Variants in NRXN3 observed in about 807,000 individuals in gnomAD.
The protein encoded by NRXN3 is neurexin 3.
In NRXN3, 32 loss-of-function variants were observed where a neutral mutation model predicts 137.6. The ratio of observed to expected loss-of-function variants is 0.23; its 90% CI spans 0.18 to 0.31. NRXN3 has a LOEUF of 0.31. Ranked by LOEUF, NRXN3 falls within the 10% of genes least tolerant of loss-of-function variation. The pLI is 1.00. For synonymous variants in NRXN3, 798 were observed against 784.5 expected (o/e 1.02, Z -0.29); for missense variants, 1,574 against 2,062.5 (o/e 0.76, Z 4.59).
At chr14:79,296,504 C>T (rs537466453) in intron 15 of NRXN3, among the ~76,000 whole-genome samples, 2 of 150,124 alleles carry the variant, frequency 1.3e-5, no homozygotes, top group Admixed American at 1.3e-4. Context: ...GAGTTATGGG[C>T]TTGTAGAGCT....
intron 10 of NRXN3, among the ~76,000 whole-genome samples, chr14:78,837,727 A>G (rs2152430334): frequency 6.6e-6 from 1 of 152,136 alleles, no homozygotes; most frequent in Non-Finnish European, 1.5e-5. Context: ...TTTGTTCTTA[A>G]TTCGATTTTG....
intron 16 of NRXN3, among the ~76,000 whole-genome samples, chr14:79,498,410 C>A: frequency 6.6e-6 from 1 of 152,284 alleles, no homozygotes; most frequent in East Asian, 1.9e-4. Context: ...GGGAGACTCA[C>A]ATGTGAGACT....
chr14:79,704,353 C>T (rs2098767784), intron 19 of NRXN3, among the ~76,000 whole-genome samples: 1 of 152,110 alleles, frequency 6.6e-6, no homozygotes, highest in South Asian at 2.1e-4. Context: ...AAGATAGATC[C>T]ACCTTATCCC....
chr14:78,920,555 A>G (rs1436438561), intron 10 of NRXN3, among the ~76,000 whole-genome samples: 2 of 152,162 alleles, frequency 1.3e-5, no homozygotes, highest in Non-Finnish European at 2.9e-5. Context: ...CAATTCTGAT[A>G]CTACCTGGAG....
At chr14:79,758,343 G>A (rs1276866498) in intron 19 of NRXN3, among the ~76,000 whole-genome samples, 1 of 152,160 alleles carries the variant, frequency 6.6e-6, no homozygotes, top group African/African-American at 2.4e-5. Context: ...CTGCCCCTAG[G>A]AAGCTTTCAC....
At chr14:79,384,043 T>A (rs1186891841) in intron 15 of NRXN3, among the ~76,000 whole-genome samples, 1 of 152,204 alleles carries the variant, frequency 6.6e-6, no homozygotes, top group Non-Finnish European at 1.5e-5. Flanking sequence ...CCTGAAGCAA[T>A]GCTTCTGGCA....
At position 78,809,818 on chromosome 14, in the gene NRXN3, ACTGGTGATATGT is replaced by A. The variant is rs372884265; in HGVS notation, c.2249-497_2249-486del. Reference sequence around the variant, plus strand: ...TTTTTTAAATGATACAATCAGTCAGACTGGTGATATGTCTTTGGAATACTAATACAAAAATTG... The same window carrying A: ...TTTTTTAAATGATACAATCAGTCAGACTTTGGAATACTAATACAAAAATTG... On this transcript the variant is annotated intron_variant, in intron 9 of 20. Transcript: ENST00000335750. Among the ~76,000 whole-genome samples, 584 of 152,278 alleles carry A rather than the reference ACTGGTGATATGT, an allele frequency of 3.8e-3. 6 individuals carry two copies. The highest frequency in any genetic ancestry group is 0.014 in the African/African-American group (562 of 41,554).
chr14:79,105,600 T>A (rs566397185), intron 15 of NRXN3, among the ~76,000 whole-genome samples: 1 of 152,274 alleles, frequency 6.6e-6, no homozygotes, highest in Non-Finnish European at 1.5e-5. Flanking sequence ...TCCCCATGTT[T>A]CCTTCCACCC....
chr14:79,304,261 A>G (rs1001729792), intron 15 of NRXN3, among the ~76,000 whole-genome samples: 40 of 152,056 alleles, frequency 2.6e-4, no homozygotes, highest in Admixed American at 2.6e-3. Context: ...ATGGCTGCTA[A>G]TCAGTTCCCT....
intron 16 of NRXN3, among the ~76,000 whole-genome samples, chr14:79,566,433 C>A (rs2097550956): frequency 6.6e-6 from 1 of 152,030 alleles, no homozygotes; most frequent in South Asian, 2.1e-4. Flanking sequence ...GAATTTTCTT[C>A]TTTTCCAAGC....
At position 79,327,588 on chromosome 14, in the gene NRXN3, T is replaced by C. The variant is rs556560321; in HGVS notation, c.3263-139633T>C. Among the ~76,000 whole-genome samples, 29 of 152,322 alleles carry C rather than the reference T, an allele frequency of 1.9e-4. No individual in the cohort carries two copies. In the South Asian group the frequency reaches 5.6e-3, roughly 29 times the overall value. On this transcript the variant is annotated intron_variant, in intron 15 of 20. Coordinates refer to ENST00000335750, the MANE Select transcript of NRXN3 (RefSeq NM_001330195.2). Reference sequence around the variant, plus strand: ...GTCCAGTTTCCTCCTCTTGTGCTGTTCTTCCCACCCTTCTCCTCAGTGCAG... The same window carrying C: ...GTCCAGTTTCCTCCTCTTGTGCTGTCCTTCCCACCCTTCTCCTCAGTGCAG...
chr14:79,207,263 C>T (rs1239035265), intron 15 of NRXN3, among the ~76,000 whole-genome samples: 2 of 152,158 alleles, frequency 1.3e-5, no homozygotes, highest in African/African-American at 2.4e-5. Context: ...ATACTAAATT[C>T]GGATTCAGTA....
chr14:79,485,154 A>T (rs1371846931), intron 16 of NRXN3, among the ~76,000 whole-genome samples: 2 of 152,002 alleles, frequency 1.3e-5, no homozygotes, highest in African/African-American at 4.8e-5. Flanking sequence ...CAGTTCTCTG[A>T]AGGGGGCAGT....
At chr14:78,263,723 T>A (rs1016750312) in intron 2 of NRXN3, among the ~76,000 whole-genome samples, 1 of 152,198 alleles carries the variant, frequency 6.6e-6, no homozygotes, top group Non-Finnish European at 1.5e-5. Flanking sequence ...ATTGTGAATG[T>A]TCTTTTGTGG....
At chr14:79,329,475 C>T (rs1363317959) in intron 15 of NRXN3, among the ~76,000 whole-genome samples, 1 of 152,182 alleles carries the variant, frequency 6.6e-6, no homozygotes, top group Non-Finnish European at 1.5e-5. Flanking sequence ...ACCCATGAAG[C>T]TTCACCTGGG....
intron 15 of NRXN3, among the ~76,000 whole-genome samples, chr14:79,299,411 A>G (rs1051539829): frequency 6.6e-6 from 1 of 152,218 alleles, no homozygotes; most frequent in African/African-American, 2.4e-5. Context: ...TGCAAGCAAT[A>G]TAGTCTCTGC....
At chr14:79,326,125 A>C (rs1347859642) in intron 15 of NRXN3, among the ~76,000 whole-genome samples, 1 of 152,164 alleles carries the variant, frequency 6.6e-6, no homozygotes, top group African/African-American at 2.4e-5. Context: ...ACATTTGCTT[A>C]GTATTTGTGC....
intron 16 of NRXN3, among the ~76,000 whole-genome samples, chr14:79,578,984 T>G (rs1006574156): frequency 2.6e-5 from 4 of 152,186 alleles, no homozygotes; most frequent in African/African-American, 9.7e-5. Flanking sequence ...TATTTAATAA[T>G]ATAGTAATTC....
At chr14:79,196,924 C>A (rs1042499787) in intron 15 of NRXN3, among the ~76,000 whole-genome samples, 10 of 152,128 alleles carry the variant, frequency 6.6e-5, no homozygotes, top group East Asian at 1.9e-4. Context: ...TCAGCTATTG[C>A]AGCTTGAGAC....
Sources: gnomAD v4.1 joint callset for allele counts (sites outside exome capture counted in the v4.1 genomes callset) on GRCh38, gnomAD v4.1.1 for gene constraint, MANE v1.5 for transcripts, NCBI Gene and HGNC (gene_info 2026-07-23, HGNC 2026-07-21) for gene names.